Variants in ATP8A2 observed in about 807,000 individuals in gnomAD.
The protein encoded by ATP8A2 is phospholipid-transporting ATPase IB.
In ATP8A2, 100 loss-of-function variants were observed where a neutral mutation model predicts 165.6. That is an observed-to-expected ratio of 0.60 (90% CI 0.51 to 0.71). The LOEUF (loss-of-function observed/expected upper bound fraction) is 0.71, where lower values mean the gene tolerates loss of function less well. ATP8A2 is among the 30% of genes least tolerant of loss of function. The pLI is 0.00. For synonymous variants in ATP8A2, 543 were observed against 548.8 expected, an observed-to-expected ratio of 0.99 and a Z score of 0.15; for missense variants, 1,227 against 1,479.5, an observed-to-expected ratio of 0.83 and a Z score of 2.80.
At chr13:25,959,811 C>A (rs80187936) in intron 33 of ATP8A2, among the ~76,000 whole-genome samples, 6,164 of 152,314 alleles carry the variant, frequency 0.04, 143 homozygotes, top group East Asian at 0.12. Context: ...CTTTGATAGA[C>A]TAGCACTCTT....
intron 24 of ATP8A2, among the ~76,000 whole-genome samples, chr13:25,621,065 C>T (rs1046002219): frequency 6.6e-6 from 1 of 152,138 alleles, no homozygotes; most frequent in African/African-American, 2.4e-5. Flanking sequence ...TGGTATCACT[C>T]CCATGCTGTT....
intron 1 of ATP8A2, among the ~76,000 whole-genome samples, chr13:25,452,623 T>G (rs2035259855): frequency 1.3e-5 from 2 of 152,212 alleles, no homozygotes; most frequent in African/African-American, 4.8e-5. Context: ...GTATGTTATA[T>G]TAGACATTTT....
chr13:25,725,327 C>T (rs1023551674), intron 25 of ATP8A2, among the ~76,000 whole-genome samples: 1 of 152,234 alleles, frequency 6.6e-6, no homozygotes, highest in Non-Finnish European at 1.5e-5. Flanking sequence ...CGCTGCATGC[C>T]TGTCTTGCAG....
intron 24 of ATP8A2, among the ~76,000 whole-genome samples, chr13:25,693,663 A>ATG (rs1823306359): frequency 1.3e-5 from 1 of 75,904 alleles, no homozygotes; most frequent in African/African-American, 4.0e-5. Context: ...CATCCCTCAG[A>ATG]TCTCTCTGTC....
chr13:25,503,718 A>G (rs975342552), intron 2 of ATP8A2, among the ~76,000 whole-genome samples: 1 of 152,180 alleles, frequency 6.6e-6, no homozygotes, highest in African/African-American at 2.4e-5. Flanking sequence ...CATACAGTCA[A>G]TTGTGAAGAA....
chr13:25,796,801 T>C (rs1422068599), intron 27 of ATP8A2, among the ~76,000 whole-genome samples: 1 of 152,222 alleles, frequency 6.6e-6, no homozygotes. Context: ...ACAGTGTAGT[T>C]CCCATGGTAG....
intron 32 of ATP8A2, among the ~76,000 whole-genome samples, 171 bp from the exon 33 acceptor site, chr13:25,862,130 A>G (rs914241791): frequency 7.9e-5 from 12 of 152,310 alleles, no homozygotes; most frequent in African/African-American, 2.9e-4. Flanking sequence ...ATTGTTAAAA[A>G]TTCTGAGACA....
intron 33 of ATP8A2, among the ~76,000 whole-genome samples, chr13:25,884,794 G>A (rs1953091828): frequency 6.6e-6 from 1 of 152,212 alleles, no homozygotes; most frequent in Admixed American, 6.5e-5. Context: ...CATTGCCCCT[G>A]CGGCTTCTCC....
intron 1 of ATP8A2, among the ~76,000 whole-genome samples, chr13:25,447,860 T>C (rs1279698382): frequency 6.6e-6 from 1 of 152,180 alleles, no homozygotes; most frequent in Non-Finnish European, 1.5e-5. Context: ...AGTGGGAAGA[T>C]AATTTTCCTC....
intron 33 of ATP8A2, among the ~76,000 whole-genome samples, chr13:25,899,435 C>T (rs531698135): frequency 5.9e-5 from 9 of 152,242 alleles, no homozygotes; most frequent in African/African-American, 1.4e-4. Context: ...ATAATGCATA[C>T]GGGTGTCTGG....
At chr13:25,664,149 C>T (rs1194939299) in intron 24 of ATP8A2, among the ~76,000 whole-genome samples, 1 of 152,066 alleles carries the variant, frequency 6.6e-6, no homozygotes, top group Non-Finnish European at 1.5e-5. Context: ...GGCAACAGAG[C>T]CAGACCTTGT....
chr13:25,735,891 T>C (rs1035505852), intron 25 of ATP8A2, among the ~76,000 whole-genome samples: 4 of 152,234 alleles, frequency 2.6e-5, no homozygotes, highest in African/African-American at 9.6e-5. Flanking sequence ...TCAGATTCAC[T>C]CACTACTCAC....
chr13:25,852,868 C>T (rs1952044064), intron 30 of ATP8A2, among the ~76,000 whole-genome samples: 2 of 151,258 alleles, frequency 1.3e-5, no homozygotes, highest in African/African-American at 2.4e-5. Context: ...CATGCTATTG[C>T]ACTACAGCCT....
chr13:25,552,310 T>TA lies in ATP8A2; in HGVS notation c.1057+807_1057+808insA, dbSNP rs2038849571. Among the ~76,000 whole-genome samples the TA allele has an allele frequency of 1.1e-4, 16 of 152,196 alleles. No homozygotes were observed. The South Asian group carries it at 3.1e-3, about 30-fold the overall frequency. ...CCAGGGTTGTTTTATATTAACATATTTACTTACCATTTCCAGGTCTCGCTC... is the reference window on the plus strand; with the variant it reads ...CCAGGGTTGTTTTATATTAACATATTATACTTACCATTTCCAGGTCTCGCTC... On this transcript the variant is annotated intron_variant, in intron 11 of 36. Transcript: ENST00000381655.
intron 25 of ATP8A2, among the ~76,000 whole-genome samples, chr13:25,768,083 G>C (rs556866409): frequency 1.2e-3 from 167 of 135,544 alleles, no homozygotes; most frequent in Middle Eastern, 3.6e-3. Context: ...GCGTGGGGGG[G>C]GGGTGGTGGG....
intron 24 of ATP8A2, among the ~76,000 whole-genome samples, chr13:25,655,055 G>A (rs1192042130): frequency 6.6e-6 from 1 of 152,226 alleles, no homozygotes; most frequent in Non-Finnish European, 1.5e-5. Flanking sequence ...TTGGTTGTCT[G>A]AGGGTTAGAA....
rs548084758 is a variant in ATP8A2, at chr13:25,588,537, C to T, written c.2147-1098C>T. ...CCCTGTCCTGTGAGGAGAATCCTTA[C>T]TCCTCCCCCTGGCTGTAGGAACAGT... On this transcript the variant is annotated intron_variant, in intron 23 of 36. Transcript: ENST00000381655. 1.2e-3 allele frequency among the ~76,000 whole-genome samples: 179 copies of T among 152,280 alleles called. 1 individual carries two copies. Among genetic ancestry groups the T allele is most frequent in the African/African-American group, 4.1e-3 (171 of 41,560 alleles).
chr13:25,820,948 TG>T (rs1453912746), intron 27 of ATP8A2, among the ~76,000 whole-genome samples: 1 of 151,854 alleles, frequency 6.6e-6, no homozygotes, highest in African/African-American at 2.4e-5. Context: ...GCTTTGGGTT[TG>T]TTTTTTTTTT....
chr13:25,658,780 C>T (rs2137676383), intron 24 of ATP8A2, among the ~76,000 whole-genome samples: 1 of 152,278 alleles, frequency 6.6e-6, no homozygotes, highest in Non-Finnish European at 1.5e-5. Flanking sequence ...TCTGAACTTT[C>T]CCCAAAATCA....
Sources: gnomAD v4.1 joint callset for allele counts (sites outside exome capture counted in the v4.1 genomes callset) on GRCh38, gnomAD v4.1.1 for gene constraint, MANE v1.5 for transcripts, NCBI Gene and HGNC (gene_info 2026-07-23, HGNC 2026-07-21) for gene names.